Variants in CCNA2 observed in about 807,000 individuals in gnomAD.
The protein encoded by CCNA2 is cyclin-A2.
A neutral mutation model predicts 49.4 loss-of-function variants in CCNA2; 3 were observed. That is an observed-to-expected ratio of 0.06 (90% CI 0.03 to 0.16). The LOEUF is 0.16. CCNA2 is among the 10% of genes least tolerant of loss of function. The probability of loss-of-function intolerance (pLI) is 1.00; values close to 1 mark genes in which losing one functional copy is unlikely to be tolerated. For synonymous variants in CCNA2, 206 were observed against 197.2 expected (o/e 1.04, Z -0.37); for missense variants, 372 against 519.7 (o/e 0.72, Z 2.76).
At position 121,823,654 on chromosome 4, in the gene CCNA2, GA is replaced by G; in HGVS notation, c.-27del. 6.5e-7 allele frequency: 1 copy of G among 1,545,280 alleles called. No individual in the cohort carries two copies. Among genetic ancestry groups the G allele is most frequent in the African/African-American group, 1.4e-5 (1 of 73,998 alleles). ...CACTGCTCCCGGGAGTGGACGGCGG[GA>G]TCAGCCTGCGGCGCCAAGCAGCGTG... On this transcript the variant is annotated 5_prime_UTR_variant, in exon 1 of 8. Transcript: ENST00000274026.
At chr4:121,821,848 T>C (rs567149295) in intron 2 of CCNA2, among the ~76,000 whole-genome samples, 1 of 152,228 alleles carries the variant, frequency 6.6e-6, no homozygotes, top group Non-Finnish European at 1.5e-5. Flanking sequence ...GGCAAAGAAA[T>C]AGTACAAACT....
chr4:121,817,593 C>T lies in CCNA2; in HGVS notation c.*45G>A, dbSNP rs758540488. The T allele has an allele frequency of 3.7e-6, 6 of 1,611,612 alleles. No homozygotes were observed. The highest frequency in any genetic ancestry group is 2.2e-5 in the South Asian group (2 of 90,922). ...TAAGTTAAAAACTGTACACCATATA[C>T]TTTGAGTGATTTACATCTTAGAAAA... On this transcript the variant is annotated 3_prime_UTR_variant, in exon 8 of 8. Transcript: ENST00000274026.
In CCNA2 at chr4:121,820,387, ATCC is replaced by A. The variant is rs1458138708; in HGVS notation, c.794+152_794+154del. 1.3e-5 allele frequency among the ~76,000 whole-genome samples: 2 copies of A among 152,170 alleles called. No individual in the cohort carries two copies. On this transcript the variant is annotated intron_variant, in intron 4 of 7. Coordinates refer to ENST00000274026, the MANE Select transcript of CCNA2 (RefSeq NM_001237.5). This position sits in a 1 kb window ranked among gnomAD's most constrained non-coding sequence, Gnocchi z 4.1. The stretch of plus-strand genomic sequence containing the variant: ...TAGTGTTCTAGATTAGAACAGTTTC[ATCC>A]TCCTCCACTGCCCTAAGCCCCAGCA...
At position 121,817,623 on chromosome 4, in the gene CCNA2, G is replaced by C. The variant is rs767064378; in HGVS notation, c.*15C>G. 1.2e-6 allele frequency: 2 copies of C among 1,613,696 alleles called. No homozygotes were observed. The highest frequency in any genetic ancestry group is 2.2e-5 in the South Asian group (2 of 91,052). On this transcript the variant is annotated 3_prime_UTR_variant, in exon 8 of 8. Transcript: ENST00000274026. ...AGTGATTTACATCTTAGAAAACAAA[G>C]GCAGTCTTTCATTGTTACAGATTTA...
At chr4:121,823,330 G>A (rs1724743269) in intron 1 of CCNA2, 86 bp downstream of exon 1, 1 of 1,446,072 alleles carries the variant, frequency 6.9e-7, no homozygotes, top group Non-Finnish European at 9.3e-7. Flanking sequence ...CCCAGGACAT[G>A]CCTTCTCGCC....
chr4:121,819,336 A>G (rs775603318), intron 5 of CCNA2, 36 bp downstream of exon 5: 15 of 1,518,532 alleles, frequency 9.9e-6, no homozygotes, highest in African/African-American at 1.4e-5. Context: ...ATTATTACCA[A>G]AGAATCACCA....
At chr4:121,817,728 C>T in intron 7 of CCNA2, 42 bp from the exon 8 acceptor site, 1 of 1,610,990 alleles carries the variant, frequency 6.2e-7, no homozygotes, top group Non-Finnish European at 8.5e-7. Context: ...TAAACACTCA[C>T]TGGGTAAAGG....
rs529964740 is a variant in CCNA2 at position 121,823,770 on chromosome 4, G to A, written c.-142C>T. 9.2e-5 allele frequency: 129 copies of A among 1,409,670 alleles called. No individual in the cohort carries two copies. In the East Asian group the frequency reaches 2.6e-3, roughly 28 times the overall value. The allele number at this position is 1,409,670 out of a possible 1,614,324, so 87.3% of individuals were successfully genotyped here. On this transcript the variant is annotated 5_prime_UTR_variant, in exon 1 of 8. Transcript: ENST00000274026. ...CCCAGGCCAGCCTACCAGCCCGCCC[G>A]CTCGCTCACCCAGCTCGAGACCACG...
intron 5 of CCNA2, 47 bp downstream of exon 5, chr4:121,819,325 A>AATT (rs1724632758): frequency 7.0e-7 from 1 of 1,432,638 alleles, no homozygotes; most frequent in African/African-American, 1.4e-5. Flanking sequence ...GCTTACCCCT[A>AATT]ATTATTACCA....
Position 121,816,546 on chromosome 4 carries a change from CAAAA to C in CCNA2, c.*1088_*1091del. Reference sequence around the variant, plus strand: ...TCTCATCTTGCCACATGACTATAAACAAAAAGACATCCCTTTTTCATTAGAGATC... The same window carrying C: ...TCTCATCTTGCCACATGACTATAAACAGACATCCCTTTTTCATTAGAGATC... On this transcript the variant is annotated 3_prime_UTR_variant, in exon 8 of 8. Coordinates refer to ENST00000274026, the MANE Select transcript of CCNA2 (RefSeq NM_001237.5). 1.1e-6 allele frequency: 1 copy of C among 872,430 alleles called. No individual in the cohort carries two copies. The highest frequency in any genetic ancestry group is 1.7e-6 in the Non-Finnish European group (1 of 572,168). The allele number at this position is 872,430 out of a possible 1,614,324, so 54.0% of individuals were successfully genotyped here. A position where few individuals can be genotyped will look rare whatever the true frequency, so the allele number is the denominator to read the frequency against.
chr4:121,821,017 A>C lies in CCNA2; in HGVS notation c.532T>G (p.Tyr178Asp), dbSNP rs1724679346. ...AGGTATGTGTGAATATCCTCATGGT[A>C]GTCTGGTACTTCATTAACACTCACT... is the stretch of plus-strand genomic sequence containing the variant. ...KPVSVNEVPD[Y>D]HEDIHTYLRE... is the part of the protein sequence containing the mutation. Residue 178 changes from tyrosine (Y) to aspartate (D), a missense_variant, in exon 3 of 8, where the codon TAC (tyrosine) becomes GAC (aspartate). By Grantham distance (160) the Tyr-to-Asp change is radical (BLOSUM62 -3). Around this residue, in one of 2 missense-constraint regions of CCNA2, gnomAD observed 217 missense variants for 231.7 expected, o/e 0.94. Transcript: ENST00000274026. The C allele has an allele frequency of 1.2e-6, 2 of 1,613,012 alleles. No homozygotes were observed.
rs1358204446 is a variant in CCNA2, at chr4:121,816,644, C to G, written c.*994G>C. ...GGACCTAAATCTATAATATAAACTT[C>G]TTGGATGCCAGTCTTACTCATAGCT... is the stretch of plus-strand genomic sequence containing the variant. On this transcript the variant is annotated 3_prime_UTR_variant, in exon 8 of 8. Coordinates refer to ENST00000274026, the MANE Select transcript of CCNA2 (RefSeq NM_001237.5). 10 of 980,894 alleles carry G rather than the reference C, an allele frequency of 1.0e-5. No homozygotes were observed. Among genetic ancestry groups the G allele is most frequent in the African/African-American group, 3.4e-5 (2 of 59,186 alleles). 60.8% of individuals were successfully genotyped at this position (980,894 alleles called of 1,614,324 possible). A position where few individuals can be genotyped will look rare whatever the true frequency, so the allele number is the denominator to read the frequency against.
Position 121,816,914 on chromosome 4 carries a change from G to C in CCNA2, c.*724C>G. 1 of 1,395,088 alleles carries C rather than the reference G, an allele frequency of 7.2e-7. No individual in the cohort carries two copies. The highest frequency in any genetic ancestry group is 9.5e-7 in the Non-Finnish European group (1 of 1,049,144). The allele number at this position is 1,395,088 out of a possible 1,614,324, so 86.4% of individuals were successfully genotyped here. On this transcript the variant is annotated 3_prime_UTR_variant, in exon 8 of 8. Transcript: ENST00000274026. ...TTAAAAGGGATATTTATTCCATTCT[G>C]AGAACCCTGGGTATTTTTTATTCAC...
chr4:121,816,655 G>A lies in CCNA2; in HGVS notation c.*983C>T. 1.9e-6 allele frequency: 2 copies of A among 1,065,940 alleles called. No homozygotes were observed. The highest frequency in any genetic ancestry group is 2.6e-6 in the Non-Finnish European group (2 of 762,952). The allele number at this position is 1,065,940 out of a possible 1,614,324, so 66.0% of individuals were successfully genotyped here. A position where few individuals can be genotyped will look rare whatever the true frequency, so the allele number is the denominator to read the frequency against. ...TATAATATAAACTTCTTGGATGCCA[G>A]TCTTACTCATAGCTGACACATTTTA... On this transcript the variant is annotated 3_prime_UTR_variant, in exon 8 of 8. Coordinates refer to ENST00000274026, the MANE Select transcript of CCNA2 (RefSeq NM_001237.5).
Position 121,820,417 on chromosome 4 carries a change from A to G in CCNA2, c.794+125T>C. On this transcript the variant is annotated intron_variant, in intron 4 of 7. Coordinates refer to ENST00000274026, the MANE Select transcript of CCNA2 (RefSeq NM_001237.5). The surrounding 1 kb of genome is among the most constrained non-coding windows in gnomAD (Gnocchi z 4.1). ...CCTCCACTGCCCTAAGCCCCAGCAC[A>G]TTGCCATCCCTAAAGTAGTCACTGA... The G allele has an allele frequency of 1.5e-6, 1 of 656,722 alleles. No individual in the cohort carries two copies. The highest frequency in any genetic ancestry group is 2.7e-6 in the Non-Finnish European group (1 of 373,400). The allele number at this position is 656,722 out of a possible 1,614,324, so 40.7% of individuals were successfully genotyped here.
In CCNA2 at chr4:121,817,054, CACCCTCTTCCACTCCCA is replaced by C; in HGVS notation, c.*567_*583del. Reference sequence around the variant, plus strand: ...TCTGTTAATTTGCATATAAGCTTCCCACCCTCTTCCACTCCCAACCTCTGTTGAGTTTACCTCGCAAA... The same window carrying C: ...TCTGTTAATTTGCATATAAGCTTCCCACCTCTGTTGAGTTTACCTCGCAAA... On this transcript the variant is annotated 3_prime_UTR_variant, in exon 8 of 8. Transcript: ENST00000274026. 2 of 530,874 alleles carry C rather than the reference CACCCTCTTCCACTCCCA, an allele frequency of 3.8e-6. No individual in the cohort carries two copies. Among genetic ancestry groups the C allele is most frequent in the Non-Finnish European group, 6.5e-6 (2 of 309,614 alleles). The allele number at this position is 530,874 out of a possible 1,614,324, so 32.9% of individuals were successfully genotyped here.
Position 121,820,886 on chromosome 4 carries a change from T to G in CCNA2, c.570+93A>C. The G allele has an allele frequency of 2.3e-6, 3 of 1,288,420 alleles. No individual in the cohort carries two copies. The highest frequency in any genetic ancestry group is 1.9e-4 in the Middle Eastern group (1 of 5,296). 79.8% of individuals were successfully genotyped at this position (1,288,420 alleles called of 1,614,324 possible). A position where few individuals can be genotyped will look rare whatever the true frequency, so the allele number is the denominator to read the frequency against. The stretch of plus-strand genomic sequence containing the variant: ...AACTTAACTGTAGCATTAGAATAAT[T>G]CATTAGTTTAAAAATTTAAACATTA... On this transcript the variant is annotated intron_variant, in intron 3 of 7. Transcript: ENST00000274026. The surrounding 1 kb of genome is among the most constrained non-coding windows in gnomAD (Gnocchi z 4.1).
In CCNA2 at chr4:121,818,887, A is replaced by G. The variant is rs1460191342; in HGVS notation, c.1029T>C (p.Asp343=). The G allele has an allele frequency of 6.2e-7, 1 of 1,612,500 alleles. No individual in the cohort carries two copies. The highest frequency in any genetic ancestry group is 8.5e-7 in the Non-Finnish European group (1 of 1,178,602). The part of the protein sequence containing the change: ...AMFLGELSLI[D]ADPYLKYLPS... ...GCAAATACTTGAGGTATGGGTCAGC[A>G]TCTATCAAACTTAATTCTCCCAAAA... Residue 343 remains aspartate, a synonymous_variant, in exon 6 of 8, where the codon GAT becomes GAC. Transcript: ENST00000274026.
chr4:121,819,220 T>C (rs1023756696), intron 5 of CCNA2, 152 bp downstream of exon 5: 4 of 644,030 alleles, frequency 6.2e-6, no homozygotes, highest in African/African-American at 5.5e-5. Context: ...AGCAGTAGGC[T>C]TTCTTCCATA....
Sources: allele counts gnomAD v4.1 joint callset (sites outside exome capture counted in the v4.1 genomes callset), GRCh38; gene constraint gnomAD v4.1.1; regional missense constraint gnomAD v4.1.1; non-coding constraint Gnocchi (gnomAD v3.1); transcripts MANE v1.5; gene names NCBI Gene and HGNC (gene_info 2026-07-23, HGNC 2026-07-21).